Variants in INPP4B observed in about 807,000 individuals in gnomAD.
INPP4B encodes the protein inositol polyphosphate 4-phosphatase type II.
A neutral mutation model predicts 122.5 loss-of-function variants in INPP4B; 55 were observed. The ratio of observed to expected loss-of-function variants is 0.45; its 90% CI spans 0.36 to 0.56. The LOEUF (loss-of-function observed/expected upper bound fraction) is 0.56. INPP4B is among the 20% of genes least tolerant of loss of function. INPP4B has a pLI of 0.00. For synonymous variants in INPP4B, 403 were observed against 388.7 expected, an observed-to-expected ratio of 1.04 and a Z score of -0.43; for missense variants, 1,000 against 1,097.7, an observed-to-expected ratio of 0.91 and a Z score of 1.26.
intron 18 of INPP4B, among the ~76,000 whole-genome samples, chr4:142,138,839 C>G (rs1383916810): frequency 1.3e-5 from 2 of 152,192 alleles, no homozygotes; most frequent in Non-Finnish European, 2.9e-5. Context: ...TTTGATACCT[C>G]GTTTGGTCTC....
intron 18 of INPP4B, among the ~76,000 whole-genome samples, chr4:142,135,025 C>T (rs1419980779): frequency 6.6e-6 from 1 of 151,974 alleles, no homozygotes; most frequent in East Asian, 1.9e-4. Flanking sequence ...ACTATTAAAA[C>T]CACTGAAATA....
At chr4:142,150,785 C>T (rs1243058613) in intron 17 of INPP4B, among the ~76,000 whole-genome samples, 1 of 152,174 alleles carries the variant, frequency 6.6e-6, no homozygotes, top group Non-Finnish European at 1.5e-5. Flanking sequence ...GGTGACTCAG[C>T]ATGTCACACA....
intron 7 of INPP4B, among the ~76,000 whole-genome samples, chr4:142,316,271 T>C (rs1767615320): frequency 6.6e-6 from 1 of 152,216 alleles, no homozygotes; most frequent in South Asian, 2.1e-4. Flanking sequence ...ACACAGCACT[T>C]GCTGGCTAAG....
intron 2 of INPP4B, among the ~76,000 whole-genome samples, chr4:142,716,578 C>A (rs550436591): frequency 6.6e-6 from 1 of 152,224 alleles, no homozygotes; most frequent in African/African-American, 2.4e-5. Flanking sequence ...AATAGCATTT[C>A]TCATGTTATG....
rs1579200667 is a variant in INPP4B, at chr4:142,182,572, AG to A, written c.1182-8764del. ...AAAAAAAAAAAAACAAACAAAAAAA[AG>A]ATTCTTAATGTGAAAAACAGCACGG... On this transcript the variant is annotated intron_variant, in intron 15 of 25. Transcript: ENST00000262992. Among the ~76,000 whole-genome samples, 7 of 144,518 alleles carry A rather than the reference AG, an allele frequency of 4.8e-5. 1 individual carries two copies. The highest frequency in any genetic ancestry group is 7.0e-5 in the Admixed American group (1 of 14,302). 94.8% of individuals were successfully genotyped at this position (144,518 alleles called of 152,430 possible).
chr4:142,129,837 T>TC (rs943112395), intron 18 of INPP4B, among the ~76,000 whole-genome samples: 6 of 152,020 alleles, frequency 3.9e-5, no homozygotes, highest in East Asian at 3.8e-4. Context: ...ATATCATTGC[T>TC]CCCCCCCTCC....
intron 11 of INPP4B, among the ~76,000 whole-genome samples, chr4:142,251,941 C>T (rs1238383755): frequency 6.6e-6 from 1 of 152,204 alleles, no homozygotes; most frequent in Non-Finnish European, 1.5e-5. Flanking sequence ...AGGTATTTTA[C>T]TGTGACACCA....
At chr4:142,828,224 T>A (rs764825222) in intron 1 of INPP4B, among the ~76,000 whole-genome samples, 1 of 152,122 alleles carries the variant, frequency 6.6e-6, no homozygotes, top group Non-Finnish European at 1.5e-5. Flanking sequence ...AACTAGGCCT[T>A]GGGGAGTTTA....
rs78320708 is a variant in INPP4B at position 142,213,683 on chromosome 4, G to C, written c.837-4657C>G. ...TTATTTTCTAGTCTTACTTCTTTCA[G>C]GCCCATCAGATTATTAGCTCTGCCA... On this transcript the variant is annotated intron_variant, in intron 12 of 25. Coordinates refer to ENST00000262992, the MANE Select transcript of INPP4B (RefSeq NM_001101669.3). Among the ~76,000 whole-genome samples, 1,059 of 152,150 alleles carry C rather than the reference G, an allele frequency of 7.0e-3. 7 individuals are homozygous for C. Among genetic ancestry groups the C allele is most frequent in the Non-Finnish European group, 0.012 (807 of 67,992 alleles).
At chr4:142,844,427 T>G (rs58445560) in intron 1 of INPP4B, among the ~76,000 whole-genome samples, 44,148 of 152,166 alleles carry the variant, frequency 0.29, 6,577 homozygotes, top group South Asian at 0.35. Context: ...AAGGACAATC[T>G]TCTACATCAC....
chr4:142,671,605 A>C (rs1757010341), intron 2 of INPP4B, among the ~76,000 whole-genome samples: 1 of 149,390 alleles, frequency 6.7e-6, no homozygotes, highest in South Asian at 2.1e-4. Context: ...ATAAAGTAGA[A>C]GTTGTCCCAC....
chr4:142,320,699 T>C (rs1003672250), intron 7 of INPP4B, among the ~76,000 whole-genome samples: 1 of 152,198 alleles, frequency 6.6e-6, no homozygotes, highest in African/African-American at 2.4e-5. Context: ...TCTTATGATT[T>C]TGTGTCCTCA....
At chr4:142,579,048 CAT>C (rs1282960694) in intron 2 of INPP4B, among the ~76,000 whole-genome samples, 1 of 151,970 alleles carries the variant, frequency 6.6e-6, no homozygotes, top group Admixed American at 6.6e-5. Flanking sequence ...CTAAACCTAA[CAT>C]GTTAAATATT....
At chr4:142,221,567 G>T (rs1394812207) in intron 12 of INPP4B, among the ~76,000 whole-genome samples, 1 of 151,300 alleles carries the variant, frequency 6.6e-6, no homozygotes, top group Admixed American at 6.6e-5. Flanking sequence ...CAGCCTTTTC[G>T]TTTTTCACAT....
chr4:142,069,865 C>A (rs145683417), intron 25 of INPP4B, among the ~76,000 whole-genome samples: 1,649 of 152,204 alleles, frequency 0.011, 19 homozygotes, highest in African/African-American at 0.033. Flanking sequence ...CAAAAAAAGT[C>A]CAGGACCAGA....
intron 7 of INPP4B, among the ~76,000 whole-genome samples, chr4:142,351,782 A>G (rs1287011860): frequency 1.3e-5 from 2 of 151,986 alleles, no homozygotes; most frequent in African/African-American, 4.8e-5. Context: ...TTCAATTTCA[A>G]TAATTTCTAA....
chr4:142,638,905 A>G (rs115750277), intron 2 of INPP4B, among the ~76,000 whole-genome samples: 1,755 of 151,610 alleles, frequency 0.012, 31 homozygotes, highest in African/African-American at 0.032. Context: ...GATGCTGCCT[A>G]TAGGCTTTTT....
chr4:142,138,400 G>A (rs1409958411), intron 18 of INPP4B, among the ~76,000 whole-genome samples: 1 of 99,884 alleles, frequency 1.0e-5, no homozygotes, highest in Non-Finnish European at 1.9e-5. Flanking sequence ...GTGGGGGGAG[G>A]GGGGAGGGAT....
chr4:142,056,414 C>T (rs1315574502), intron 25 of INPP4B, among the ~76,000 whole-genome samples: 1 of 152,128 alleles, frequency 6.6e-6, no homozygotes, highest in African/African-American at 2.4e-5. Flanking sequence ...ATTCAGTTGT[C>T]TCCCTTTTCT....
Sources: gnomAD v4.1 joint callset for allele counts (sites outside exome capture counted in the v4.1 genomes callset) on GRCh38, gnomAD v4.1.1 for gene constraint, MANE v1.5 for transcripts, NCBI Gene and HGNC (gene_info 2026-07-23, HGNC 2026-07-21) for gene names.